RHOJ: variants seen among roughly 807,000 people sequenced by gnomAD.
The protein encoded by RHOJ is rho-related GTP-binding protein RhoJ.
A neutral mutation model predicts 23.4 loss-of-function variants in RHOJ; 11 were observed. The ratio of observed to expected loss-of-function variants is 0.47; its 90% CI spans 0.30 to 0.78. The LOEUF is 0.78. Ranked by LOEUF, RHOJ falls within the 30% of genes least tolerant of loss-of-function variation. The pLI is 0.08. For synonymous variants in RHOJ, 102 were observed against 102.7 expected (o/e 0.99, Z 0.04); for missense variants, 254 against 273.4 (o/e 0.93, Z 0.50).
intron 1 of RHOJ, among the ~76,000 whole-genome samples, chr14:63,206,411 A>C (rs533431197): frequency 1.3e-5 from 2 of 152,332 alleles, no homozygotes; most frequent in Admixed American, 6.5e-5. Flanking sequence ...GAAAAAAACT[A>C]ATTATAAAAT....
At position 63,290,918 on chromosome 14, in the gene RHOJ, A is replaced by G. The variant is rs1566633494; in HGVS notation, c.539A>G (p.Gln180Arg). The change falls in exon 5 of 5, where the codon CAG becomes CGG. Residue 180 changes from glutamine (Q) to arginine (R), a missense_variant. Coordinates refer to ENST00000316754, the MANE Select transcript of RHOJ (RefSeq NM_020663.5). ...QCYLECSALT[Q>R]KGLKAVFDEA... is the part of the protein sequence containing the mutation. ...TACTTGGAATGTTCAGCTCTGACTC[A>G]GAAAGGTCTCAAAGCGGTTTTTGAT... is the stretch of plus-strand genomic sequence containing the variant. 1 of 1,614,110 alleles carries G rather than the reference A, an allele frequency of 6.2e-7. No homozygotes were observed. Among genetic ancestry groups the G allele is most frequent in the Non-Finnish European group, 8.5e-7 (1 of 1,179,998 alleles).
intron 4 of RHOJ, among the ~76,000 whole-genome samples, chr14:63,285,736 T>C (rs892694667): frequency 2.0e-5 from 3 of 152,168 alleles, no homozygotes; most frequent in African/African-American, 7.2e-5. Flanking sequence ...ACTGCCCCTA[T>C]TGCTGCTAGA....
At position 63,233,164 on chromosome 14, in the gene RHOJ, G is replaced by A. The variant is rs375163328; in HGVS notation, c.178+28117G>A. Reference sequence around the variant, plus strand: ...TTGCTTGGGAATGAAAAAAAAGAGAGGGCTTTGTATTCTGAAACAGGGCTC... The same window carrying A: ...TTGCTTGGGAATGAAAAAAAAGAGAAGGCTTTGTATTCTGAAACAGGGCTC... On this transcript the variant is annotated intron_variant, in intron 1 of 4. Coordinates refer to ENST00000316754, the MANE Select transcript of RHOJ (RefSeq NM_020663.5). Among the ~76,000 whole-genome samples, 87 of 152,254 alleles carry A rather than the reference G, an allele frequency of 5.7e-4. 1 individual carries two copies. The South Asian group carries it at 0.018, about 31-fold the overall frequency.
intron 1 of RHOJ, among the ~76,000 whole-genome samples, chr14:63,246,244 T>C (rs1894974001): frequency 6.6e-6 from 1 of 152,184 alleles, no homozygotes; most frequent in African/African-American, 2.4e-5. Context: ...TGGAAATATT[T>C]CTCTCTTAAT....
intron 1 of RHOJ, among the ~76,000 whole-genome samples, chr14:63,215,202 A>C (rs1201646988): frequency 6.6e-6 from 1 of 152,182 alleles, no homozygotes. Context: ...TCTGAGTCCA[A>C]AAAGACCTCT....
At chr14:63,254,185 C>T (rs1444496516) in intron 1 of RHOJ, among the ~76,000 whole-genome samples, 1 of 152,174 alleles carries the variant, frequency 6.6e-6, no homozygotes, top group Non-Finnish European at 1.5e-5. Flanking sequence ...CCATCACTGT[C>T]TATCTTGGAG....
In RHOJ at chr14:63,291,057, G is replaced by C. The variant is rs760042170; in HGVS notation, c.*33G>C. ...TGGGACCTGCCTCCACCCCATCCAG[G>C]GATGAGAATGGCAGCCAATCTCTGT... is the stretch of plus-strand genomic sequence containing the variant. On this transcript the variant is annotated 3_prime_UTR_variant, in exon 5 of 5. Coordinates refer to ENST00000316754, the MANE Select transcript of RHOJ (RefSeq NM_020663.5). 6.2e-6 allele frequency: 10 copies of C among 1,612,190 alleles called. No homozygotes were observed. The highest frequency in any genetic ancestry group is 8.5e-6 in the Non-Finnish European group (10 of 1,179,192).
intron 1 of RHOJ, among the ~76,000 whole-genome samples, chr14:63,247,069 AT>A (rs1894988532): frequency 6.6e-6 from 1 of 152,256 alleles, no homozygotes; most frequent in Non-Finnish European, 1.5e-5. Context: ...TCAGAAAGAC[AT>A]GGAGCTAGGC....
At chr14:63,239,757 T>C (rs1894851847) in intron 1 of RHOJ, among the ~76,000 whole-genome samples, 1 of 152,236 alleles carries the variant, frequency 6.6e-6, no homozygotes, top group African/African-American at 2.4e-5. Context: ...TGCTATCCAC[T>C]TGCAGGACAG....
Position 63,257,479 on chromosome 14 carries a change from A to G in RHOJ, c.179-11631A>G, listed in dbSNP as rs915384322. On this transcript the variant is annotated intron_variant, in intron 1 of 4. Coordinates refer to ENST00000316754, the MANE Select transcript of RHOJ (RefSeq NM_020663.5). ...AGGCCACAGGTCAGAAAGTTATCTG[A>G]GCAACGAGGTCAGGTTAGGGCAACA... is the stretch of plus-strand genomic sequence containing the variant. 4.7e-5 allele frequency among the ~76,000 whole-genome samples: 7 copies of G among 149,996 alleles called. 1 individual carries two copies. Among genetic ancestry groups the G allele is most frequent in the African/African-American group, 1.7e-4 (7 of 40,652 alleles).
chr14:63,226,382 A>C lies in RHOJ; in HGVS notation c.178+21335A>C, dbSNP rs946189123. Among the ~76,000 whole-genome samples the C allele has an allele frequency of 3.3e-5, 5 of 152,174 alleles. No homozygotes were observed. In the East Asian group the frequency reaches 9.7e-4, roughly 29 times the overall value. On this transcript the variant is annotated intron_variant, in intron 1 of 4. Coordinates refer to ENST00000316754, the MANE Select transcript of RHOJ (RefSeq NM_020663.5). Reference sequence around the variant, plus strand: ...AAAACTCAGGAAAGAATTAGAAGGAAATATAAAGCCATCAGAGAAATGTAG... The same window carrying C: ...AAAACTCAGGAAAGAATTAGAAGGACATATAAAGCCATCAGAGAAATGTAG...
rs1882257883 is a variant in RHOJ at position 63,291,654 on chromosome 14, A to T, written c.*630A>T. On this transcript the variant is annotated 3_prime_UTR_variant, in exon 5 of 5. Coordinates refer to ENST00000316754, the MANE Select transcript of RHOJ (RefSeq NM_020663.5). ...ACGTACCTCTGAATGCCCGATTATA[A>T]GAAGACATGAGAAGACTTTAAAAGT... The T allele has an allele frequency of 6.4e-6, 1 of 155,936 alleles. No individual in the cohort carries two copies. Among genetic ancestry groups the T allele is most frequent in the Non-Finnish European group, 1.4e-5 (1 of 69,930 alleles). The allele number at this position is 155,936 out of a possible 1,614,324, so 9.7% of individuals were successfully genotyped here.
In RHOJ at chr14:63,204,876, T is replaced by G. The variant is rs779879245; in HGVS notation, c.7T>G (p.Cys3Gly). 2.5e-6 allele frequency: 4 copies of G among 1,612,958 alleles called. No homozygotes were observed. The highest frequency in any genetic ancestry group is 2.5e-6 in the Non-Finnish European group (3 of 1,179,496). ...AGCAGCTGGAGCCGCAAGAATGAAC[T>G]GCAAAGAGGGAACTGACAGCAGCTG... MN[C>G]KEGTDSSCGC... Residue 3 changes from cysteine to glycine, a missense_variant, in exon 1 of 5, where the codon TGC (cysteine) becomes GGC (glycine). Transcript: ENST00000316754.
intron 1 of RHOJ, among the ~76,000 whole-genome samples, chr14:63,225,754 A>T (rs950846643): frequency 3.3e-5 from 5 of 152,240 alleles, no homozygotes; most frequent in African/African-American, 1.2e-4. Context: ...CAGGTCTCAG[A>T]AATGTCCCAT....
chr14:63,209,382 C>CAGTGTTTTTGCTTT (rs1485045060), intron 1 of RHOJ, among the ~76,000 whole-genome samples: 2 of 152,182 alleles, frequency 1.3e-5, no homozygotes, highest in Non-Finnish European at 2.9e-5. Flanking sequence ...CTCTCCTCAT[C>CAGTGTTTTTGCTTT]AGTGTTTTTG....
chr14:63,225,552 T>C (rs1474615403), intron 1 of RHOJ, among the ~76,000 whole-genome samples: 1 of 152,196 alleles, frequency 6.6e-6, no homozygotes, highest in Non-Finnish European at 1.5e-5. Flanking sequence ...ATGACCATGA[T>C]TGTATAAATC....
intron 1 of RHOJ, among the ~76,000 whole-genome samples, chr14:63,261,491 C>T (rs1176997480): frequency 2.6e-5 from 4 of 151,964 alleles, no homozygotes; most frequent in African/African-American, 9.7e-5. Flanking sequence ...AGTGAAGTGC[C>T]AAAAACATGG....
At chr14:63,235,713 C>T (rs901569087) in intron 1 of RHOJ, among the ~76,000 whole-genome samples, 1 of 152,140 alleles carries the variant, frequency 6.6e-6, no homozygotes, top group African/African-American at 2.4e-5. Flanking sequence ...TAATAACTGT[C>T]CCTTCTGCTG....
chr14:63,255,272 C>T (rs1895143567), intron 1 of RHOJ, among the ~76,000 whole-genome samples: 1 of 152,132 alleles, frequency 6.6e-6, no homozygotes, highest in Admixed American at 6.6e-5. Context: ...GGTCTGGTGA[C>T]TAGTGATGGG....
Sources: gnomAD v4.1 joint callset for allele counts (sites outside exome capture counted in the v4.1 genomes callset) on GRCh38, gnomAD v4.1.1 for gene constraint, MANE v1.5 for transcripts, NCBI Gene and HGNC (gene_info 2026-07-23, HGNC 2026-07-21) for gene names.